The following ODF1 variants were observed in gnomAD, a reference collection of about 807,000 sequenced individuals.
The protein encoded by ODF1 is outer dense fiber of sperm tails 1.
A neutral mutation model predicts 24.0 loss-of-function variants in ODF1; 10 were observed. The ratio of observed to expected loss-of-function variants is 0.42; its 90% CI spans 0.26 to 0.71. The LOEUF (loss-of-function observed/expected upper bound fraction) is 0.71, where lower values mean the gene tolerates loss of function less well. ODF1 is among the 30% of genes least tolerant of loss of function. The probability of loss-of-function intolerance (pLI) is 0.28; values close to 1 mark genes in which losing one functional copy is unlikely to be tolerated. For missense variants in ODF1, 282 were observed against 307.9 expected (o/e 0.92, Z 0.63); for synonymous variants, 118 against 121.3 (o/e 0.97, Z 0.18).
intron 1 of ODF1, among the ~76,000 whole-genome samples, chr8:102,557,146 A>G (rs375572502): frequency 9.9e-5 from 15 of 152,268 alleles, no homozygotes; most frequent in African/African-American, 3.6e-4. Context: ...CTTTCCTAAG[A>G]GGCTTCTGCA....
chr8:102,560,526 G>A lies in ODF1; in HGVS notation c.395G>A (p.Cys132Tyr), dbSNP rs762089149. 11 of 1,614,064 alleles carry A rather than the reference G, an allele frequency of 6.8e-6. No individual in the cohort carries two copies. The African/African-American group carries it at 1.3e-4, about 20-fold the overall frequency. ...SSNILGSVNVCGFEPDQVKVR... is the reference protein window; with the variant it reads ...SSNILGSVNVYGFEPDQVKVR... ...AACATTTTAGGATCGGTGAATGTAT[G>A]CGGTTTTGAACCCGATCAAGTCAAA... Residue 132 changes from cysteine to tyrosine, a missense_variant, in exon 2 of 2, where the codon TGC becomes TAC. Coordinates refer to ENST00000285402, the MANE Select transcript of ODF1 (RefSeq NM_024410.4).
chr8:102,558,507 G>A (rs548710487), intron 1 of ODF1, among the ~76,000 whole-genome samples: 2 of 152,256 alleles, frequency 1.3e-5, no homozygotes, highest in South Asian at 2.1e-4. Context: ...TCCTCTGGGT[G>A]TATTACACAA....
intron 1 of ODF1, among the ~76,000 whole-genome samples, chr8:102,557,218 G>A (rs886437242): frequency 2.0e-5 from 3 of 152,140 alleles, no homozygotes; most frequent in African/African-American, 7.2e-5. Flanking sequence ...ACAAGTATAG[G>A]AGGCAAACTC....
At chr8:102,555,055 T>C (rs1826096320) in intron 1 of ODF1, among the ~76,000 whole-genome samples, 1 of 152,206 alleles carries the variant, frequency 6.6e-6, no homozygotes, top group Non-Finnish European at 1.5e-5. Context: ...TCTTCCTTAG[T>C]AGAGACCCAA....
Position 102,560,842 on chromosome 8 carries a change from TC to T in ODF1, c.714del (p.Cys239ValfsTer10), listed in dbSNP as rs750956206. The T allele has an allele frequency of 1.1e-5, 18 of 1,613,238 alleles. No individual in the cohort carries two copies. Among genetic ancestry groups the T allele is most frequent in the Admixed American group, 1.7e-5 (1 of 59,920 alleles). On this transcript the variant is annotated frameshift_variant, in exon 2 of 2. Coordinates refer to ENST00000285402, the MANE Select transcript of ODF1 (RefSeq NM_024410.4). LOFTEE classifies it high-confidence loss of function. ...SPYDPCNPCYPCGSRFSCRKM... is the reference protein window; with the variant it reads ...SPYDPCNPCYXCGSRFSCRKM... ...CATATGATCCTTGCAACCCGTGTTA[TC>T]CCTGTGGAAGCCGATTTTCCTGTAG...
At chr8:102,558,221 G>A (rs1000896792) in intron 1 of ODF1, among the ~76,000 whole-genome samples, 6 of 152,190 alleles carry the variant, frequency 3.9e-5, no homozygotes, top group African/African-American at 1.4e-4. Flanking sequence ...GGAGGCTGAA[G>A]TGGGCGGATC....
At chr8:102,553,679 G>A (rs569077217) in intron 1 of ODF1, among the ~76,000 whole-genome samples, 1 of 152,194 alleles carries the variant, frequency 6.6e-6, no homozygotes, top group African/African-American at 2.4e-5. Flanking sequence ...TGTCTTCCTG[G>A]CTTCTCTCCT....
intron 1 of ODF1, among the ~76,000 whole-genome samples, chr8:102,552,268 C>T (rs1280882314): frequency 6.6e-6 from 1 of 151,476 alleles, no homozygotes; most frequent in African/African-American, 2.4e-5. Flanking sequence ...TTGGCAAGGT[C>T]GTCGGTGGTT....
At chr8:102,558,745 T>G (rs1044932218) in intron 1 of ODF1, among the ~76,000 whole-genome samples, 1 of 144,718 alleles carries the variant, frequency 6.9e-6, no homozygotes, top group Non-Finnish European at 1.5e-5. Flanking sequence ...TATATAGAAC[T>G]ACACACACAC....
At chr8:102,554,174 A>G (rs1826082038) in intron 1 of ODF1, among the ~76,000 whole-genome samples, 1 of 152,210 alleles carries the variant, frequency 6.6e-6, no homozygotes, top group Admixed American at 6.5e-5. Flanking sequence ...GAAGGCCCCC[A>G]GTGTAGTATT....
At position 102,560,865 on chromosome 8, in the gene ODF1, G is replaced by T. The variant is rs1410037238; in HGVS notation, c.734G>T (p.Cys245Phe). The T allele has an allele frequency of 4.3e-6, 7 of 1,610,920 alleles. No individual in the cohort carries two copies. Among genetic ancestry groups the T allele is most frequent in the Non-Finnish European group, 5.9e-6 (7 of 1,178,184 alleles). ...PCYPCGSRFS[C>F]RKMIL Reference sequence around the variant, plus strand: ...TATCCCTGTGGAAGCCGATTTTCCTGTAGGAAGATGATTTTGTAAAGTGCG... The same window carrying T: ...TATCCCTGTGGAAGCCGATTTTCCTTTAGGAAGATGATTTTGTAAAGTGCG... The change falls in exon 2 of 2, where the codon TGT becomes TTT. Residue 245 changes from cysteine to phenylalanine, a missense_variant. Transcript: ENST00000285402.
chr8:102,557,149 C>T (rs552970752), intron 1 of ODF1, among the ~76,000 whole-genome samples: 9 of 152,262 alleles, frequency 5.9e-5, no homozygotes, highest in African/African-American at 9.6e-5. Flanking sequence ...TCCTAAGAGG[C>T]TTCTGCAAAG....
chr8:102,558,463 A>G (rs906190993), intron 1 of ODF1, among the ~76,000 whole-genome samples: 1 of 152,092 alleles, frequency 6.6e-6, no homozygotes, highest in Non-Finnish European at 1.5e-5. Flanking sequence ...CAAAAAAAAG[A>G]AAAAAGAAAA....
chr8:102,560,925 T>A lies in ODF1; in HGVS notation c.*41T>A. 6.5e-7 allele frequency: 1 copy of A among 1,540,654 alleles called. No homozygotes were observed. The highest frequency in any genetic ancestry group is 8.8e-7 in the Non-Finnish European group (1 of 1,137,482). Reference sequence around the variant, plus strand: ...CCATTACTTAATAGAAGTCAGTTACTCCAGCCAGGCAGCTCTCCCAATGTT... The same window carrying A: ...CCATTACTTAATAGAAGTCAGTTACACCAGCCAGGCAGCTCTCCCAATGTT... On this transcript the variant is annotated 3_prime_UTR_variant, in exon 2 of 2. Transcript: ENST00000285402.
At chr8:102,560,306 A>G in intron 1 of ODF1, 146 bp from the exon 2 acceptor site, 1 of 723,774 alleles carries the variant, frequency 1.4e-6, no homozygotes. Flanking sequence ...TTTTTACTTC[A>G]TGCATTTGTG....
rs576489086 is a variant in ODF1 at position 102,560,946 on chromosome 8, A to G, written c.*62A>G. On this transcript the variant is annotated 3_prime_UTR_variant, in exon 2 of 2. Coordinates refer to ENST00000285402, the MANE Select transcript of ODF1 (RefSeq NM_024410.4). ...TTACTCCAGCCAGGCAGCTCTCCCA[A>G]TGTTTCTCCTCTCCTTCCCATGGCC... 8.1e-5 allele frequency: 117 copies of G among 1,438,132 alleles called. No homozygotes were observed. Among genetic ancestry groups the G allele is most frequent in the East Asian group, 8.0e-4 (35 of 43,866 alleles). The allele number at this position is 1,438,132 out of a possible 1,614,324, so 89.1% of individuals were successfully genotyped here.
intron 1 of ODF1, among the ~76,000 whole-genome samples, chr8:102,552,255 C>T (rs776819448): frequency 2.0e-5 from 3 of 150,872 alleles, no homozygotes; most frequent in Middle Eastern, 3.4e-3. Context: ...GTAATGATGT[C>T]GATTGGCAAG....
At chr8:102,552,732 AT>A (rs796964058) in intron 1 of ODF1, among the ~76,000 whole-genome samples, 6 of 152,348 alleles carry the variant, frequency 3.9e-5, no homozygotes, top group South Asian at 4.1e-4. Flanking sequence ...TTTTAAAAAA[AT>A]TTTTGTTTTA....
chr8:102,555,860 G>C (rs146195582), intron 1 of ODF1, among the ~76,000 whole-genome samples: 50 of 152,286 alleles, frequency 3.3e-4, no homozygotes, highest in African/African-American at 1.1e-3. Flanking sequence ...TGGGCCCTTG[G>C]CTGCCTCTCA....
Sources: allele counts gnomAD v4.1 joint callset (sites outside exome capture counted in the v4.1 genomes callset), GRCh38; gene constraint gnomAD v4.1.1; transcripts MANE v1.5; gene names NCBI Gene and HGNC (gene_info 2026-07-23, HGNC 2026-07-21).